Variants in ARHGEF38 observed in about 807,000 individuals in gnomAD.
The protein encoded by ARHGEF38 is Rho guanine nucleotide exchange factor (GEF) 38.
Under a neutral mutation model 79.9 loss-of-function variants are expected in ARHGEF38, and 79 were observed. The observed-to-expected ratio is 0.99, with a 90% CI of 0.82 to 1.19. ARHGEF38 has a LOEUF of 1.19. Among genes scored for constraint, ARHGEF38 ranks in the 50% most tolerant of loss-of-function variants. The probability of loss-of-function intolerance (pLI) is 0.00; values close to 1 mark genes in which losing one functional copy is unlikely to be tolerated. For missense variants in ARHGEF38, 962 were observed against 907.2 expected (o/e 1.06, Z -0.78); for synonymous variants, 366 against 328.3 (o/e 1.11, Z -1.24).
intron 1 of ARHGEF38, among the ~76,000 whole-genome samples, chr4:105,583,722 T>TA (rs1426085999): frequency 6.6e-6 from 1 of 152,212 alleles, no homozygotes; most frequent in Non-Finnish European, 1.5e-5. Flanking sequence ...ATTTTTTTTT[T>TA]ATTGCTGTAT....
At chr4:105,556,011 A>G (rs979527717) in intron 1 of ARHGEF38, among the ~76,000 whole-genome samples, 2 of 152,212 alleles carry the variant, frequency 1.3e-5, no homozygotes. Context: ...GATCACATCA[A>G]CATAGTCATT....
At chr4:105,584,641 A>G (rs1004353657) in intron 1 of ARHGEF38, among the ~76,000 whole-genome samples, 1 of 152,162 alleles carries the variant, frequency 6.6e-6, no homozygotes, top group Non-Finnish European at 1.5e-5. Context: ...ATCTGTATCT[A>G]TGTCTATCTA....
At chr4:105,580,723 G>A (rs553326163) in intron 1 of ARHGEF38, among the ~76,000 whole-genome samples, 17 of 152,144 alleles carry the variant, frequency 1.1e-4, no homozygotes, top group South Asian at 6.2e-4. Context: ...TTGTTTGTTT[G>A]TTTTTTTGAG....
intron 9 of ARHGEF38, among the ~76,000 whole-genome samples, chr4:105,658,494 G>C (rs1408636089): frequency 6.6e-6 from 1 of 152,166 alleles, no homozygotes; most frequent in Non-Finnish European, 1.5e-5. Flanking sequence ...GTTACTATCT[G>C]TATAGGGGAT....
intron 2 of ARHGEF38, among the ~76,000 whole-genome samples, chr4:105,598,713 G>T (rs1392597420): frequency 3.3e-5 from 5 of 150,804 alleles, no homozygotes; most frequent in Non-Finnish European, 7.4e-5. Context: ...CACACTTTCT[G>T]TGGAATCCTA....
intron 1 of ARHGEF38, among the ~76,000 whole-genome samples, chr4:105,574,301 A>G (rs1726376931): frequency 6.6e-6 from 1 of 152,146 alleles, no homozygotes; most frequent in African/African-American, 2.4e-5. Flanking sequence ...TAATCCCAGC[A>G]CTTTGGGAGG....
At chr4:105,650,606 T>C (rs1294705689) in intron 7 of ARHGEF38, among the ~76,000 whole-genome samples, 1 of 152,240 alleles carries the variant, frequency 6.6e-6, no homozygotes, top group Non-Finnish European at 1.5e-5. Context: ...CACCAAAACC[T>C]GGTGCTTTGC....
chr4:105,607,846 A>C (rs1438536896), intron 2 of ARHGEF38, among the ~76,000 whole-genome samples: 1 of 152,102 alleles, frequency 6.6e-6, no homozygotes, highest in Non-Finnish European at 1.5e-5. Flanking sequence ...CCAAGAGTTA[A>C]CAAGACTTTG....
chr4:105,565,432 T>C (rs1005766574), intron 1 of ARHGEF38, among the ~76,000 whole-genome samples: 1 of 152,186 alleles, frequency 6.6e-6, no homozygotes, highest in Admixed American at 6.5e-5. Flanking sequence ...CTCGACGCAA[T>C]GCTAAGCCAA....
At chr4:105,656,909 G>T (rs1034156743) in intron 9 of ARHGEF38, among the ~76,000 whole-genome samples, 1 of 152,010 alleles carries the variant, frequency 6.6e-6, no homozygotes, top group East Asian at 1.9e-4. Context: ...CTGGCACTGG[G>T]GAATGGAAAG....
intron 2 of ARHGEF38, among the ~76,000 whole-genome samples, chr4:105,604,214 T>A (rs1190632143): frequency 6.6e-6 from 1 of 152,108 alleles, no homozygotes; most frequent in African/African-American, 2.4e-5. Flanking sequence ...TAAACAGTAA[T>A]GCTTAACTTA....
At chr4:105,654,018 AT>A in intron 7 of ARHGEF38, 46 bp from the exon 8 acceptor site, 1 of 1,152,726 alleles carries the variant, frequency 8.7e-7, no homozygotes, top group Admixed American at 2.4e-5. Flanking sequence ...ATTTTAAAAA[AT>A]ATCTGTTTCA....
At chr4:105,626,538 T>C (rs772692923) in intron 3 of ARHGEF38, among the ~76,000 whole-genome samples, 2 of 152,180 alleles carry the variant, frequency 1.3e-5, no homozygotes, top group African/African-American at 2.4e-5. Context: ...AAACCAGAAT[T>C]TGAACCCAGG....
chr4:105,561,489 A>AGAATG (rs1725603103), intron 1 of ARHGEF38: 2 of 68,814 alleles, frequency 2.9e-5, no homozygotes, highest in South Asian at 3.9e-4. Flanking sequence ...AGAATAGAAT[A>AGAATG]GAATAGAATA....
chr4:105,663,536 T>C (rs1376788708), intron 10 of ARHGEF38, among the ~76,000 whole-genome samples: 2 of 152,204 alleles, frequency 1.3e-5, no homozygotes, highest in Non-Finnish European at 2.9e-5. Context: ...TTTAAATACC[T>C]CATGTAAATG....
chr4:105,555,132 C>T (rs139783799), intron 1 of ARHGEF38, among the ~76,000 whole-genome samples: 1 of 152,242 alleles, frequency 6.6e-6, no homozygotes, highest in East Asian at 1.9e-4. Flanking sequence ...ACTTCTTACG[C>T]ACTTCATTTG....
At chr4:105,583,830 GTTAGTGTCC>G (rs925484196) in intron 1 of ARHGEF38, among the ~76,000 whole-genome samples, 5 of 152,072 alleles carry the variant, frequency 3.3e-5, no homozygotes, top group Admixed American at 3.3e-4. Flanking sequence ...ATGAGAGCCA[GTTAGTGTCC>G]TTGAATTGTT....
At chr4:105,650,905 A>G (rs1364042700) in intron 7 of ARHGEF38, among the ~76,000 whole-genome samples, 1 of 152,220 alleles carries the variant, frequency 6.6e-6, no homozygotes, top group Non-Finnish European at 1.5e-5. Flanking sequence ...AGAAAGGACA[A>G]TGAAGACATT....
At chr4:105,651,915 AC>A (rs1356033355) in intron 7 of ARHGEF38, among the ~76,000 whole-genome samples, 1 of 152,180 alleles carries the variant, frequency 6.6e-6, no homozygotes, top group Non-Finnish European at 1.5e-5. Flanking sequence ...ATTTTTCTAA[AC>A]ATATTGTTTT....
Sources: allele counts gnomAD v4.1 joint callset (sites outside exome capture counted in the v4.1 genomes callset), GRCh38; gene constraint gnomAD v4.1.1; transcripts MANE v1.5; gene names NCBI Gene and HGNC (gene_info 2026-07-23, HGNC 2026-07-21).